EPS15L1: variants seen among roughly 807,000 people sequenced by gnomAD.
EPS15L1 encodes epidermal growth factor receptor substrate 15-like 1.
EPS15L1 carries 43 observed loss-of-function variants against 117.1 expected under a neutral mutation model. The observed-to-expected ratio is 0.37, with a 90% confidence interval of 0.29 to 0.47. The LOEUF (loss-of-function observed/expected upper bound fraction) is 0.47. Among genes scored for constraint, EPS15L1 ranks in the 20% least tolerant of loss-of-function variants. EPS15L1 has a pLI of 0.99. For synonymous variants in EPS15L1, 459 were observed against 470.5 expected, an observed-to-expected ratio of 0.98 and a Z score of 0.32; for missense variants, 981 against 1,164.0, an observed-to-expected ratio of 0.84 and a Z score of 2.29.
At chr19:16,453,886 TAA>T (rs11289907) in intron 1 of EPS15L1, among the ~76,000 whole-genome samples, 13,432 of 136,612 alleles carry the variant, frequency 0.098, 963 homozygotes, top group East Asian at 0.28. Context: ...AGAATTCCTA[TAA>T]AAAAAAAAAA....
intron 13 of EPS15L1, among the ~76,000 whole-genome samples, chr19:16,408,352 G>A (rs774530153): frequency 3.3e-5 from 5 of 152,102 alleles, no homozygotes; most frequent in Non-Finnish European, 7.4e-5. Flanking sequence ...GGCCAGGCAC[G>A]GTAGCTCACG....
chr19:16,403,745 G>C lies in EPS15L1; in HGVS notation c.1614C>G (p.Asp538Glu), dbSNP rs764018439. The stretch of plus-strand genomic sequence containing the variant: ...CTCCGTGAAGTACCTGGTTGATTTC[G>C]TCTTGCGTTGACTTCAGGGACTTGA... ...TIIKSLKSTQ[D>E]EINQARSKLS... The change falls in exon 15 of 24, where the codon GAC becomes GAG. Residue 538 changes from aspartate to glutamate, a missense_variant. Asp to Glu is a conservative substitution (Grantham distance 45). Around this residue, in one of 5 missense-constraint regions of EPS15L1, gnomAD observed 819 missense variants for 949.0 expected, o/e 0.86. Coordinates refer to ENST00000455140, the MANE Select transcript of EPS15L1 (RefSeq NM_001258374.3). 6.2e-7 allele frequency: 1 copy of C among 1,612,814 alleles called. No individual in the cohort carries two copies. The highest frequency in any genetic ancestry group is 1.1e-5 in the South Asian group (1 of 91,078).
chr19:16,406,741 A>G (rs1415075676), intron 13 of EPS15L1, among the ~76,000 whole-genome samples: 1 of 152,260 alleles, frequency 6.6e-6, no homozygotes. Flanking sequence ...TGTGTACATC[A>G]CATCCTTCAT....
chr19:16,459,103 A>T (rs2063819099), intron 1 of EPS15L1, among the ~76,000 whole-genome samples: 1 of 152,200 alleles, frequency 6.6e-6, no homozygotes, highest in Non-Finnish European at 1.5e-5. Context: ...ACATATCTAA[A>T]CATAGCAAAG....
chr19:16,450,129 C>G (rs2093125787), intron 1 of EPS15L1, among the ~76,000 whole-genome samples: 1 of 152,012 alleles, frequency 6.6e-6, no homozygotes. Context: ...TGCCTGTGGT[C>G]CCAGCTACTC....
Position 16,381,222 on chromosome 19 carries a change from C to G in EPS15L1, c.2247+3907G>C, listed in dbSNP as rs1039245786. Among the ~76,000 whole-genome samples the G allele has an allele frequency of 6.6e-6, 1 of 152,276 alleles. No individual in the cohort carries two copies. The highest frequency in any genetic ancestry group is 2.4e-5 in the African/African-American group (1 of 41,472). On this transcript the variant is annotated intron_variant, in intron 21 of 23. Transcript: ENST00000455140. This position sits in a 1 kb window ranked among gnomAD's most constrained non-coding sequence, Gnocchi z 4.2. ...GTGACCTGGCAGGGGGTCCCACTGT[C>G]AGCACCTCTGCCTTACACACAAGGA...
chr19:16,371,292 G>A lies in EPS15L1; in HGVS notation c.2380+5830C>T, dbSNP rs911199789. 3.9e-5 allele frequency among the ~76,000 whole-genome samples: 6 copies of A among 152,118 alleles called. No individual in the cohort carries two copies. Among genetic ancestry groups the A allele is most frequent in the South Asian group, 2.1e-4 (1 of 4,828 alleles). On this transcript the variant is annotated intron_variant, in intron 22 of 23. Coordinates refer to ENST00000455140, the MANE Select transcript of EPS15L1 (RefSeq NM_001258374.3). The surrounding 1 kb of genome is among the most constrained non-coding windows in gnomAD (Gnocchi z 4.7). ...TGGCTGCATCCTGTGTGGCACCCCC[G>A]GCAGGGAGGTCAAGAACTCACGGCC... is the stretch of plus-strand genomic sequence containing the variant.
intron 3 of EPS15L1, chr19:16,441,672 C>T: frequency 4.9e-6 from 2 of 407,776 alleles, no homozygotes. Context: ...TATCAAGACC[C>T]CAAAAGTACT....
intron 18 of EPS15L1, among the ~76,000 whole-genome samples, chr19:16,392,659 C>T (rs1321320019): frequency 6.6e-6 from 1 of 152,148 alleles, no homozygotes; most frequent in South Asian, 2.1e-4. Flanking sequence ...TCAAATTGCA[C>T]ACAACCGTGC....
At chr19:16,413,264 T>A in intron 13 of EPS15L1, 1 of 646,900 alleles carries the variant, frequency 1.5e-6, no homozygotes, top group Non-Finnish European at 2.8e-6. Context: ...ACTGCAACTC[T>A]GTGCTGGTGT....
Position 16,361,943 on chromosome 19 carries a change from G to C in EPS15L1, c.2422C>G (p.Pro808Ala). The C allele has an allele frequency of 6.2e-7, 1 of 1,613,766 alleles. No individual in the cohort carries two copies. Among genetic ancestry groups the C allele is most frequent in the Non-Finnish European group, 8.5e-7 (1 of 1,179,886 alleles). ...GGCTGGAATGGATCGGGGGCCTCGGGAAAGTCTGCGGAACCAAGCTGGCTT... is the reference window on the plus strand; with the variant it reads ...GGCTGGAATGGATCGGGGGCCTCGGCAAAGTCTGCGGAACCAAGCTGGCTT... The part of the protein sequence containing the change: ...PVSQLGSADF[P>A]EAPDPFQPLG... Residue 808 changes from proline (P) to alanine (A), a missense_variant, in exon 23 of 24, where the codon CCC (proline) becomes GCC (alanine). By Grantham distance (27) the Pro-to-Ala change is conservative. Coordinates refer to ENST00000455140, the MANE Select transcript of EPS15L1 (RefSeq NM_001258374.3).
At chr19:16,412,909 G>A in intron 13 of EPS15L1, 2 of 639,512 alleles carry the variant, frequency 3.1e-6, no homozygotes, top group Non-Finnish European at 5.8e-6. Flanking sequence ...CCTGGTCAAG[G>A]ACATGAAGAT....
Position 16,402,495 on chromosome 19 carries a change from A to G in EPS15L1, c.1627-10T>C, listed in dbSNP as rs2092612552. 3 of 1,581,696 alleles carry G rather than the reference A, an allele frequency of 1.9e-6. No individual in the cohort carries two copies. Among genetic ancestry groups the G allele is most frequent in the Non-Finnish European group, 2.6e-6 (3 of 1,165,134 alleles). On this transcript the variant is annotated splice_polypyrimidine_tract_variant and intron_variant, in intron 15 of 23. Coordinates refer to ENST00000455140, the MANE Select transcript of EPS15L1 (RefSeq NM_001258374.3). ...AAAGTTTGCTCCTTGCCTGTGCAAC[A>G]AAGACATCATCAGCATTAAGCAGGG... is the stretch of plus-strand genomic sequence containing the variant.
In EPS15L1 at chr19:16,464,057, C is replaced by T. The variant is rs146732940; in HGVS notation, c.33+7856G>A. 6.5e-3 allele frequency among the ~76,000 whole-genome samples: 986 copies of T among 152,326 alleles called. 13 individuals carry two copies. Among genetic ancestry groups the T allele is most frequent in the African/African-American group, 0.022 (934 of 41,558 alleles). On this transcript the variant is annotated intron_variant, in intron 1 of 23. Transcript: ENST00000455140. ...GTGTGCTGTCAGCTGCCGGTAGCAG[C>T]GCCTGATCCAGCCTGGCTGGTGTGC...
intron 1 of EPS15L1, among the ~76,000 whole-genome samples, chr19:16,461,072 G>A (rs915488913): frequency 2.1e-4 from 32 of 152,154 alleles, no homozygotes; most frequent in Admixed American, 6.5e-4. Flanking sequence ...TTGGGAGGCC[G>A]AGGCGGGCGG....
chr19:16,446,785 T>C (rs78725011), intron 1 of EPS15L1, among the ~76,000 whole-genome samples: 1 of 152,298 alleles, frequency 6.6e-6, no homozygotes, highest in East Asian at 1.9e-4. Context: ...TGGAGCATTT[T>C]ATTAAACAGA....
intron 1 of EPS15L1, among the ~76,000 whole-genome samples, chr19:16,459,493 G>A (rs1316739962): frequency 3.3e-5 from 5 of 152,158 alleles, no homozygotes; most frequent in Non-Finnish European, 7.3e-5. Flanking sequence ...GGAGGCAGGT[G>A]GTGGGCTGAG....
Position 16,404,081 on chromosome 19 carries a change from C to T in EPS15L1, c.1429-151G>A. ...GCCCGACACCTGGCTTCCTTACAGG[C>T]CTCTTTCTACACCCAAAATAGAGAC... On this transcript the variant is annotated intron_variant, in intron 14 of 23. Transcript: ENST00000455140. This position sits in a 1 kb window ranked among gnomAD's most constrained non-coding sequence, Gnocchi z 4.2. The T allele has an allele frequency of 1.5e-6, 1 of 680,236 alleles. No homozygotes were observed. Among genetic ancestry groups the T allele is most frequent in the East Asian group, 2.7e-5 (1 of 36,944 alleles). The allele number at this position is 680,236 out of a possible 1,614,324, so 42.1% of individuals were successfully genotyped here.
At chr19:16,426,547 G>A (rs2092874544) in intron 8 of EPS15L1, among the ~76,000 whole-genome samples, 1 of 152,206 alleles carries the variant, frequency 6.6e-6, no homozygotes, top group Admixed American at 6.5e-5. Flanking sequence ...ACTGAGGCAG[G>A]AGAATCGCTT....
Sources: allele counts gnomAD v4.1 joint callset (sites outside exome capture counted in the v4.1 genomes callset), GRCh38; gene constraint gnomAD v4.1.1; regional missense constraint gnomAD v4.1.1; non-coding constraint Gnocchi (gnomAD v3.1); transcripts MANE v1.5; gene names NCBI Gene and HGNC (gene_info 2026-07-23, HGNC 2026-07-21).